The following LOC400499 variants were observed in gnomAD, a reference collection of about 807,000 sequenced individuals.
At chr16:11,405,221 G>T in the LOC400499 span, among the ~76,000 whole-genome samples, 3 of 152,178 alleles carry the variant, frequency 2.0e-5, no homozygotes, top group African/African-American at 7.2e-5. Flanking sequence ...TGATACAAGT[G>T]GTGCACTCAG....
the LOC400499 span, chr16:11,450,853 CG>C: frequency 6.6e-7 from 1 of 1,512,996 alleles, no homozygotes; most frequent in Non-Finnish European, 8.9e-7. Context: ...ATCTGGTACA[CG>C]GGGTAGAGAG....
the LOC400499 span, among the ~76,000 whole-genome samples, chr16:11,488,169 C>T: frequency 6.6e-6 from 1 of 151,660 alleles, no homozygotes; most frequent in Non-Finnish European, 1.5e-5. Context: ...GTACAGTACT[C>T]CTTTTTAGGA....
chr16:11,420,668 G>A, the LOC400499 span, among the ~76,000 whole-genome samples: 1 of 135,138 alleles, frequency 7.4e-6, no homozygotes, highest in African/African-American at 2.8e-5. Flanking sequence ...TTTCGAAGGA[G>A]CTACCCAGGC....
the LOC400499 span, chr16:11,493,845 G>C: frequency 8.7e-6 from 1 of 114,340 alleles, no homozygotes; most frequent in Non-Finnish European, 1.5e-5. Context: ...CGTGGGGGGC[G>C]GGGCAGTGGC....
chr16:11,399,197 G>A, the LOC400499 span: 1 of 985,064 alleles, frequency 1.0e-6, no homozygotes, highest in Non-Finnish European at 1.2e-6. Context: ...CCCCTCCCGA[G>A]AAGCCCCCTA....
At chr16:11,470,703 G>A in the LOC400499 span, 1 of 152,394 alleles carries the variant, frequency 6.6e-6, no homozygotes, top group African/African-American at 2.4e-5. Flanking sequence ...GGAGGCACAG[G>A]AACACCAGAC....
the LOC400499 span, chr16:11,487,203 T>C: frequency 5.0e-6 from 2 of 398,276 alleles, no homozygotes; most frequent in Non-Finnish European, 8.9e-6. Context: ...GACTGGGATA[T>C]TTTTTGGCCC....
At chr16:11,515,716 A>AAGGAGGAGGAAAAGGG in the LOC400499 span, among the ~76,000 whole-genome samples, 4 of 87,092 alleles carry the variant, frequency 4.6e-5, no homozygotes, top group Admixed American at 2.5e-4. Context: ...AGGGAGGAGG[A>AAGGAGGAGGAAAAGGG]AGGAGGAGGA....
At chr16:11,399,126 T>C in the LOC400499 span, 8 of 744,218 alleles carry the variant, frequency 1.1e-5, no homozygotes, top group African/African-American at 1.9e-5. Context: ...TATCAGGTAA[T>C]GATGCTGGAG....
the LOC400499 span, among the ~76,000 whole-genome samples, chr16:11,402,779 G>A: frequency 6.6e-6 from 1 of 152,168 alleles, no homozygotes; most frequent in South Asian, 2.1e-4. Flanking sequence ...CGTGAGCAAG[G>A]CGCCACGCTT....
the LOC400499 span, among the ~76,000 whole-genome samples, chr16:11,397,563 G>A: frequency 3.3e-5 from 5 of 152,108 alleles, no homozygotes; most frequent in Admixed American, 1.3e-4. Context: ...GTGAGCCACC[G>A]CACCCGGCTT....
chr16:11,424,959 T>G, the LOC400499 span, among the ~76,000 whole-genome samples: 1 of 152,108 alleles, frequency 6.6e-6, no homozygotes, highest in Non-Finnish European at 1.5e-5. Flanking sequence ...TCTGGCTGAA[T>G]GACGTCCCAG....
the LOC400499 span, among the ~76,000 whole-genome samples, chr16:11,440,109 G>C: frequency 6.6e-6 from 1 of 152,006 alleles, no homozygotes; most frequent in East Asian, 1.9e-4. Context: ...CCTCAGAGAT[G>C]GGAACAGAGA....
chr16:11,410,026 C>G, the LOC400499 span, among the ~76,000 whole-genome samples: 7 of 152,168 alleles, frequency 4.6e-5, no homozygotes, highest in African/African-American at 1.7e-4. Flanking sequence ...CACCTGTAGT[C>G]CCAGCTACTC....
At chr16:11,442,966 G>T in the LOC400499 span, among the ~76,000 whole-genome samples, 2 of 152,268 alleles carry the variant, frequency 1.3e-5, no homozygotes, top group South Asian at 4.1e-4. Flanking sequence ...CCCCCAGAAA[G>T]GTGGGTCTCA....
the LOC400499 span, among the ~76,000 whole-genome samples, chr16:11,507,877 T>G: frequency 6.6e-6 from 1 of 152,086 alleles, no homozygotes; most frequent in Admixed American, 6.6e-5. Context: ...AAGGCTGCAG[T>G]GAGCCATGAT....
the LOC400499 span, among the ~76,000 whole-genome samples, chr16:11,405,088 G>C: frequency 6.6e-6 from 1 of 152,228 alleles, no homozygotes; most frequent in African/African-American, 2.4e-5. Context: ...GCCAACAGGA[G>C]ACAGCACAGA....
chr16:11,378,771 C>T, the LOC400499 span, among the ~76,000 whole-genome samples: 1 of 152,190 alleles, frequency 6.6e-6, no homozygotes, highest in Non-Finnish European at 1.5e-5. Flanking sequence ...TGATTTCAGT[C>T]ATTTCAAATG....
the LOC400499 span, among the ~76,000 whole-genome samples, chr16:11,386,576 C>T: frequency 6.6e-6 from 1 of 152,214 alleles, no homozygotes; most frequent in South Asian, 2.1e-4. Context: ...GCTCCCCCTG[C>T]ATCAAGAACA....
Sources: allele counts gnomAD v4.1 joint callset (sites outside exome capture counted in the v4.1 genomes callset), GRCh38; gene constraint gnomAD v4.1.1; transcripts MANE v1.5.